The following IMMP2L variants were observed in gnomAD, a reference collection of about 807,000 sequenced individuals.
IMMP2L encodes mitochondrial inner membrane protease subunit 2.
A neutral mutation model predicts 19.3 loss-of-function variants in IMMP2L; 18 were observed. The observed-to-expected ratio is 0.93, with a 90% CI of 0.64 to 1.38. The LOEUF is 1.38. Ranked by LOEUF, IMMP2L falls within the 40% of genes most tolerant of loss-of-function variation. IMMP2L has a pLI of 0.00. For synonymous variants in IMMP2L, 76 were observed against 73.0 expected (o/e 1.04, Z -0.21); for missense variants, 233 against 218.2 (o/e 1.07, Z -0.43).
Position 110,877,111 on chromosome 7 carries a change from AGT to A in IMMP2L, c.408+9480_408+9481del, listed in dbSNP as rs1332110417. Reference sequence around the variant, plus strand: ...CAGCCATAGTCAATATGAAAGCCAGAGTGTGGCTGTGTTCCAACATAACTTCT... The same window carrying A: ...CAGCCATAGTCAATATGAAAGCCAGAGTGGCTGTGTTCCAACATAACTTCT... On this transcript the variant is annotated intron_variant, in intron 5 of 5. Transcript: ENST00000405709. This position sits in a 1 kb window ranked among gnomAD's most constrained non-coding sequence, Gnocchi z 4.0. Among the ~76,000 whole-genome samples the A allele has an allele frequency of 6.6e-6, 1 of 152,164 alleles. No homozygotes were observed. Among genetic ancestry groups the A allele is most frequent in the African/African-American group, 2.4e-5 (1 of 41,440 alleles).
intron 5 of IMMP2L, among the ~76,000 whole-genome samples, chr7:110,811,850 C>G (rs1331115078): frequency 6.6e-6 from 1 of 151,958 alleles, no homozygotes; most frequent in Non-Finnish European, 1.5e-5. Context: ...ATTGACTCCA[C>G]CTCTGGCTTA....
At chr7:110,894,626 T>C (rs528009076) in intron 4 of IMMP2L, among the ~76,000 whole-genome samples, 1 of 152,224 alleles carries the variant, frequency 6.6e-6, no homozygotes, top group Non-Finnish European at 1.5e-5. Flanking sequence ...GTATTAGATA[T>C]GTTTTGTAAA....
chr7:111,326,650 C>T (rs1379838592), intron 3 of IMMP2L, among the ~76,000 whole-genome samples: 1 of 151,746 alleles, frequency 6.6e-6, no homozygotes, highest in Non-Finnish European at 1.5e-5. Flanking sequence ...TATATCAATT[C>T]ACACCTGCTA....
At chr7:111,131,662 T>C (rs1009014973) in intron 3 of IMMP2L, among the ~76,000 whole-genome samples, 2 of 152,044 alleles carry the variant, frequency 1.3e-5, no homozygotes, top group East Asian at 3.9e-4. Flanking sequence ...ATGTAATATA[T>C]ATTACATATA....
intron 3 of IMMP2L, among the ~76,000 whole-genome samples, chr7:111,461,920 T>G (rs1840170359): frequency 6.6e-6 from 1 of 151,900 alleles, no homozygotes; most frequent in East Asian, 1.9e-4. Flanking sequence ...TAATGTTGAG[T>G]TTTTAAAAGT....
intron 1 of IMMP2L, among the ~76,000 whole-genome samples, chr7:111,531,723 C>T (rs891150575): frequency 2.0e-5 from 3 of 151,934 alleles, no homozygotes; most frequent in Non-Finnish European, 2.9e-5. Flanking sequence ...CTAAAGGCAA[C>T]GTGAATTTTA....
intron 5 of IMMP2L, among the ~76,000 whole-genome samples, chr7:110,809,196 G>T (rs1201355292): frequency 6.6e-6 from 1 of 151,964 alleles, no homozygotes; most frequent in Non-Finnish European, 1.5e-5. Context: ...AAGAGATTTG[G>T]CCTGTTAATA....
At chr7:110,903,604 G>A (rs1160493799) in intron 4 of IMMP2L, among the ~76,000 whole-genome samples, 1 of 152,122 alleles carries the variant, frequency 6.6e-6, no homozygotes, top group East Asian at 1.9e-4. Context: ...TTCTTTTTAA[G>A]AATAGTATTC....
In IMMP2L at chr7:111,213,205, G is replaced by A. The variant is rs1811521336; in HGVS notation, c.240-249640C>T. Among the ~76,000 whole-genome samples the A allele has an allele frequency of 6.6e-6, 1 of 152,232 alleles. No individual in the cohort carries two copies. The highest frequency in any genetic ancestry group is 2.1e-4 in the South Asian group (1 of 4,832). On this transcript the variant is annotated intron_variant, in intron 3 of 5. Coordinates refer to ENST00000405709, the MANE Select transcript of IMMP2L (RefSeq NM_032549.4). This position sits in a 1 kb window ranked among gnomAD's most constrained non-coding sequence, Gnocchi z 4.8. ...CCTGCACTTGCTCCGATCTTGGAGT[G>A]GAGTTGAGGCCTAGCCCGGGTGCTG...
At chr7:111,060,059 T>C (rs562542482) in intron 3 of IMMP2L, among the ~76,000 whole-genome samples, 3 of 152,310 alleles carry the variant, frequency 2.0e-5, no homozygotes, top group Admixed American at 1.3e-4. Context: ...AAACAGAGTG[T>C]GCAATGTGCC....
At chr7:111,077,129 T>A in intron 3 of IMMP2L, among the ~76,000 whole-genome samples, 1 of 152,174 alleles carries the variant, frequency 6.6e-6, no homozygotes, top group Non-Finnish European at 1.5e-5. Context: ...GCTGGTTGCA[T>A]AGTTATATTT....
intron 3 of IMMP2L, among the ~76,000 whole-genome samples, chr7:111,359,960 T>A (rs1031681046): frequency 2.0e-5 from 3 of 152,168 alleles, no homozygotes; most frequent in African/African-American, 7.2e-5. Flanking sequence ...TATTTCATAC[T>A]ATTATAATTA....
chr7:111,180,615 C>T (rs1463067960), intron 3 of IMMP2L, among the ~76,000 whole-genome samples: 1 of 152,000 alleles, frequency 6.6e-6, no homozygotes, highest in Non-Finnish European at 1.5e-5. Flanking sequence ...TGTTGGAAAA[C>T]TGGTGATGAC....
chr7:111,333,200 C>T (rs7787829), intron 3 of IMMP2L, among the ~76,000 whole-genome samples: 44 of 152,242 alleles, frequency 2.9e-4, no homozygotes, highest in African/African-American at 1.0e-3. Flanking sequence ...ACCAGTTGCA[C>T]AAACAAGGAC....
chr7:111,439,012 C>A (rs1837459577), intron 3 of IMMP2L, among the ~76,000 whole-genome samples: 1 of 151,812 alleles, frequency 6.6e-6, no homozygotes, highest in Admixed American at 6.6e-5. Context: ...TACTTGGCAA[C>A]AAAAGAATGT....
chr7:110,813,927 A>G (rs939893900), intron 5 of IMMP2L, among the ~76,000 whole-genome samples: 3 of 152,060 alleles, frequency 2.0e-5, no homozygotes, highest in Non-Finnish European at 4.4e-5. Flanking sequence ...TTCCTCAGAT[A>G]AAATAATTTC....
At chr7:111,428,464 A>G (rs929642896) in intron 3 of IMMP2L, among the ~76,000 whole-genome samples, 1 of 151,830 alleles carries the variant, frequency 6.6e-6, no homozygotes, top group Admixed American at 6.6e-5. Context: ...AAGATGCTTC[A>G]TATGTGAAAT....
At chr7:110,791,249 T>A (rs575795450) in intron 5 of IMMP2L, among the ~76,000 whole-genome samples, 13 of 151,556 alleles carry the variant, frequency 8.6e-5, no homozygotes, top group Non-Finnish European at 1.2e-4. Flanking sequence ...TAATGAAACA[T>A]TGTAAGTATA....
At chr7:110,685,846 C>T (rs771187133) in intron 5 of IMMP2L, among the ~76,000 whole-genome samples, 1 of 151,942 alleles carries the variant, frequency 6.6e-6, no homozygotes, top group African/African-American at 2.4e-5. Flanking sequence ...GAGGCATTTG[C>T]AGTAATGAAC....
Sources: allele counts gnomAD v4.1 joint callset (sites outside exome capture counted in the v4.1 genomes callset), GRCh38; gene constraint gnomAD v4.1.1; non-coding constraint Gnocchi (gnomAD v3.1); transcripts MANE v1.5; gene names NCBI Gene and HGNC (gene_info 2026-07-23, HGNC 2026-07-21).